The following EDIL3 variants were observed in gnomAD, a reference collection of about 807,000 sequenced individuals.
The protein encoded by EDIL3 is EGF like and discoidin domains 3.
EDIL3 carries 37 observed loss-of-function variants against 67.4 expected under a neutral mutation model. That is an observed-to-expected ratio of 0.55 (90% CI 0.42 to 0.72). The LOEUF is 0.72. EDIL3 is among the 30% of genes least tolerant of loss of function. The pLI, the probability that EDIL3 is intolerant of heterozygous loss-of-function variation, is 0.00. For synonymous variants in EDIL3, 195 were observed against 196.3 expected (o/e 0.99, Z 0.05); for missense variants, 527 against 586.3 (o/e 0.90, Z 1.04).
chr5:84,349,959 A>G (rs1036038288), intron 1 of EDIL3, among the ~76,000 whole-genome samples: 3 of 152,144 alleles, frequency 2.0e-5, no homozygotes, highest in African/African-American at 4.8e-5. Flanking sequence ...TAACAGCTCT[A>G]CGAGGTAGAT....
At chr5:83,990,858 C>G (rs577885803) in intron 9 of EDIL3, among the ~76,000 whole-genome samples, 1 of 149,568 alleles carries the variant, frequency 6.7e-6, no homozygotes, top group African/African-American at 2.5e-5. Context: ...CCAGCCTGGG[C>G]AACAGAGAAA....
intron 9 of EDIL3, among the ~76,000 whole-genome samples, chr5:83,984,510 A>G (rs531221242): frequency 6.6e-6 from 1 of 152,128 alleles, no homozygotes; most frequent in Non-Finnish European, 1.5e-5. Context: ...GAAACAAATC[A>G]ATAGTGCAGC....
At chr5:84,133,605 C>T (rs866380365) in intron 5 of EDIL3, among the ~76,000 whole-genome samples, 8 of 151,360 alleles carry the variant, frequency 5.3e-5, no homozygotes, top group South Asian at 2.1e-4. Flanking sequence ...CCAGCCTGGG[C>T]GACAGAGTGA....
At chr5:84,119,361 T>C (rs1051931755) in intron 5 of EDIL3, among the ~76,000 whole-genome samples, 5 of 151,950 alleles carry the variant, frequency 3.3e-5, no homozygotes, top group African/African-American at 1.2e-4. Context: ...CAAAAATGAT[T>C]CAAACTATCA....
intron 6 of EDIL3, among the ~76,000 whole-genome samples, chr5:84,068,211 TTTC>T (rs1746677351): frequency 6.6e-6 from 1 of 152,222 alleles, no homozygotes; most frequent in South Asian, 2.1e-4. Flanking sequence ...AGTCATATTC[TTTC>T]ATTATCTTAT....
At chr5:84,384,244 G>A (rs1240967522) in intron 1 of EDIL3, 64 bp downstream of exon 1, 8 of 1,555,196 alleles carry the variant, frequency 5.1e-6, no homozygotes, top group East Asian at 4.8e-5. Flanking sequence ...GGCCCCCTGC[G>A]CGGCGTTTCT....
intron 1 of EDIL3, among the ~76,000 whole-genome samples, chr5:84,337,937 T>C (rs1392239109): frequency 3.3e-5 from 5 of 152,124 alleles, no homozygotes; most frequent in Non-Finnish European, 7.4e-5. Flanking sequence ...AGAATGTGCA[T>C]CTTCTTTTCT....
intron 6 of EDIL3, among the ~76,000 whole-genome samples, chr5:84,103,439 C>G (rs917467276): frequency 6.6e-6 from 1 of 151,698 alleles, no homozygotes; most frequent in African/African-American, 2.4e-5. Flanking sequence ...GACAACCTAC[C>G]GAATGGAAGA....
chr5:84,224,430 A>G (rs957168858), intron 3 of EDIL3, among the ~76,000 whole-genome samples: 1 of 151,560 alleles, frequency 6.6e-6, no homozygotes, highest in African/African-American at 2.4e-5. Context: ...TTTAGCAGTC[A>G]ATATTCAAAT....
intron 4 of EDIL3, among the ~76,000 whole-genome samples, chr5:84,140,534 A>C (rs1212379243): frequency 6.6e-6 from 1 of 152,126 alleles, no homozygotes; most frequent in Non-Finnish European, 1.5e-5. Flanking sequence ...TCATCAGCAA[A>C]GCAAGTTATA....
chr5:84,338,333 C>T (rs1747030221), intron 1 of EDIL3, among the ~76,000 whole-genome samples: 2 of 152,136 alleles, frequency 1.3e-5, no homozygotes, highest in African/African-American at 4.8e-5. Flanking sequence ...GCTTATGCGA[C>T]TTGGTGGACT....
At chr5:84,187,024 ACT>A (rs1743469806) in intron 3 of EDIL3, among the ~76,000 whole-genome samples, 1 of 152,030 alleles carries the variant, frequency 6.6e-6, no homozygotes, top group African/African-American at 2.4e-5. Flanking sequence ...TGGTAATATC[ACT>A]CTTAACAATG....
chr5:83,967,252 T>C (rs1744705511), intron 9 of EDIL3, among the ~76,000 whole-genome samples: 1 of 151,814 alleles, frequency 6.6e-6, no homozygotes, highest in African/African-American at 2.4e-5. Flanking sequence ...GCCTGGGAGG[T>C]GGAGGTTTCA....
chr5:84,286,266 C>T (rs1550800), intron 1 of EDIL3, among the ~76,000 whole-genome samples: 152,184 of 152,252 alleles, frequency 1, 76,058 homozygotes, highest in Middle Eastern at 1. Context: ...TTGCTACACT[C>T]TCCCCATTCT....
At chr5:84,147,894 T>C (rs958858096) in intron 4 of EDIL3, among the ~76,000 whole-genome samples, 3 of 152,090 alleles carry the variant, frequency 2.0e-5, no homozygotes, top group African/African-American at 7.2e-5. Flanking sequence ...AAATCAACTA[T>C]TATACACAGA....
At chr5:84,322,122 C>T (rs7711102) in intron 1 of EDIL3, among the ~76,000 whole-genome samples, 2,388 of 150,676 alleles carry the variant, frequency 0.016, 69 homozygotes, top group African/African-American at 0.055. Context: ...ATGTGATTTC[C>T]AAATTTACTA....
rs1235938079 is a variant in EDIL3 at position 84,254,191 on chromosome 5, G to C, written c.89C>G (p.Pro30Arg). 1 of 1,611,722 alleles carries C rather than the reference G, an allele frequency of 6.2e-7. No homozygotes were observed. Residue 30 changes from proline (P) to arginine (R), a missense_variant, in exon 2 of 11, where the codon CCA (proline) becomes CGA (arginine). By Grantham distance (103) the Pro-to-Arg change is moderately radical (BLOSUM62 -2). Around this residue, in one of 2 missense-constraint regions of EDIL3, gnomAD observed 494 missense variants for 522.5 expected, o/e 0.95. Coordinates refer to ENST00000296591, the MANE Select transcript of EDIL3 (RefSeq NM_005711.5). ...CAAACAGATACCTCCATTTTCACATGGATTGGGATCACAAATATCACCTAA... is the reference window on the plus strand; with the variant it reads ...CAAACAGATACCTCCATTTTCACATCGATTGGGATCACAAATATCACCTAA... ...FGKGDICDPN[P>R]CENGGICLPG...
At chr5:84,050,264 T>A (rs926053353) in intron 9 of EDIL3, among the ~76,000 whole-genome samples, 4 of 149,602 alleles carry the variant, frequency 2.7e-5, no homozygotes, top group African/African-American at 9.8e-5. Flanking sequence ...GACATTTTGA[T>A]CTTATAGAAG....
chr5:83,949,372 T>C lies in EDIL3; in HGVS notation c.1294-5804A>G, dbSNP rs561547431. Among the ~76,000 whole-genome samples the C allele has an allele frequency of 6.8e-4, 103 of 151,918 alleles. No homozygotes were observed. In the Middle Eastern group the frequency reaches 0.027, roughly 40 times the overall value. On this transcript the variant is annotated intron_variant, in intron 10 of 10. Transcript: ENST00000296591. ...AAAATGTATACATAAGACCTTAAAG[T>C]AGAGCCAAAGACAATGATAAAGTTA...
Sources: allele counts gnomAD v4.1 joint callset (sites outside exome capture counted in the v4.1 genomes callset), GRCh38; gene constraint gnomAD v4.1.1; regional missense constraint gnomAD v4.1.1; transcripts MANE v1.5; gene names NCBI Gene and HGNC (gene_info 2026-07-23, HGNC 2026-07-21).